PRLR: variants seen among roughly 807,000 people sequenced by gnomAD.
PRLR encodes prolactin receptor, also known as hPRL receptor.
PRLR carries 13 observed loss-of-function variants against 40.2 expected under a neutral mutation model. That is an observed-to-expected ratio of 0.32 (90% CI 0.21 to 0.51). The LOEUF (loss-of-function observed/expected upper bound fraction) is 0.51, where lower values mean the gene tolerates loss of function less well. Among genes scored for constraint, PRLR ranks in the 20% least tolerant of loss-of-function variants. The pLI is 0.97. For synonymous variants in PRLR, 269 were observed against 278.7 expected, an observed-to-expected ratio of 0.97 and a Z score of 0.35; for missense variants, 656 against 747.3, an observed-to-expected ratio of 0.88 and a Z score of 1.42.
chr5:35,131,326 A>C (rs1773663596), intron 1 of PRLR, among the ~76,000 whole-genome samples: 1 of 152,120 alleles, frequency 6.6e-6, no homozygotes, highest in South Asian at 2.1e-4. Context: ...AGGGGATGGC[A>C]CTAGGTTCAA....
At chr5:35,080,586 T>C (rs1485220121) in intron 5 of PRLR, among the ~76,000 whole-genome samples, 2 of 152,196 alleles carry the variant, frequency 1.3e-5, no homozygotes, top group Admixed American at 6.5e-5. Flanking sequence ...ACTTTTACAC[T>C]GTTGGTGGGA....
intron 2 of PRLR, among the ~76,000 whole-genome samples, chr5:35,109,647 C>CA (rs1448475651): frequency 2.0e-5 from 3 of 152,110 alleles, no homozygotes; most frequent in Non-Finnish European, 4.4e-5. Flanking sequence ...CAGAGAAATG[C>CA]AAATCAAAAC....
At chr5:35,166,909 C>A (rs905556542) in intron 1 of PRLR, among the ~76,000 whole-genome samples, 1 of 152,068 alleles carries the variant, frequency 6.6e-6, no homozygotes, top group African/African-American at 2.4e-5. Flanking sequence ...TAAATTGGTT[C>A]CAAATACACA....
intron 6 of PRLR, among the ~76,000 whole-genome samples, chr5:35,071,339 G>T (rs1340187392): frequency 3.3e-5 from 5 of 152,154 alleles, no homozygotes; most frequent in Admixed American, 1.3e-4. Flanking sequence ...TACAATGTGT[G>T]GTCTACGAGC....
chr5:35,175,932 G>A (rs567712436), intron 1 of PRLR, among the ~76,000 whole-genome samples: 3 of 152,078 alleles, frequency 2.0e-5, no homozygotes, highest in East Asian at 3.9e-4. Context: ...ACTAAACAGG[G>A]ACAGCTATTG....
chr5:35,141,363 A>G (rs1214485760), intron 1 of PRLR, among the ~76,000 whole-genome samples: 1 of 152,194 alleles, frequency 6.6e-6, no homozygotes, highest in Non-Finnish European at 1.5e-5. Flanking sequence ...ATGCCGCATG[A>G]ATCTATGGGG....
At chr5:35,051,562 T>A (rs979535390), downstream of PRLR, among the ~76,000 whole-genome samples, 10 of 152,354 alleles carry the variant, frequency 6.6e-5, 1 homozygote, top group Admixed American at 2.6e-4. Context: ...GGGGAAGAGC[T>A]ATTCCCAAGC....
At chr5:35,083,642 C>T (rs1374036308) in intron 5 of PRLR, among the ~76,000 whole-genome samples, 1 of 151,520 alleles carries the variant, frequency 6.6e-6, no homozygotes, top group Non-Finnish European at 1.5e-5. Context: ...GCCTCAGCCT[C>T]CTGAGTAGCT....
At chr5:35,079,875 A>C (rs200223058) in intron 5 of PRLR, among the ~76,000 whole-genome samples, 1 of 152,324 alleles carries the variant, frequency 6.6e-6, no homozygotes, top group South Asian at 2.1e-4. Context: ...GCCCTCAGAA[A>C]TAATACCACA....
chr5:35,049,491 A>T, intron 8 of PRLR: 2 of 647,450 alleles, frequency 3.1e-6, no homozygotes, highest in Non-Finnish European at 5.5e-6. Context: ...TTTAAAAAGA[A>T]AATAAATTAT....
In PRLR at chr5:35,056,777, A is replaced by T. The variant is rs1768747633; in HGVS notation, c.*8312T>A. The T allele has an allele frequency of 6.6e-6, 1 of 152,174 alleles. No individual in the cohort carries two copies. The highest frequency in any genetic ancestry group is 6.5e-5 in the Admixed American group (1 of 15,272). 9.4% of individuals were successfully genotyped at this position (152,174 alleles called of 1,614,324 possible). On this transcript the variant is annotated 3_prime_UTR_variant, in exon 10 of 10. Coordinates refer to ENST00000618457, the MANE Select transcript of PRLR (RefSeq NM_000949.7). ...ATTAAAGGCAGTTGGCTTCAATATA[A>T]GCACAGGAGAGCCAGCGTTTCTGTG...
In PRLR at chr5:35,058,311, C is replaced by G. The variant is rs1768835170; in HGVS notation, c.*6778G>C. The G allele has an allele frequency of 6.6e-6, 1 of 152,136 alleles. No individual in the cohort carries two copies. The highest frequency in any genetic ancestry group is 2.4e-5 in the African/African-American group (1 of 41,420). The allele number at this position is 152,136 out of a possible 1,614,324, so 9.4% of individuals were successfully genotyped here. A position where few individuals can be genotyped will look rare whatever the true frequency, so the allele number is the denominator to read the frequency against. Reference sequence around the variant, plus strand: ...ATAACTTCACTTCAATATGGCTTTACAGAAGACACAGTCACCCAACAGGCT... The same window carrying G: ...ATAACTTCACTTCAATATGGCTTTAGAGAAGACACAGTCACCCAACAGGCT... On this transcript the variant is annotated 3_prime_UTR_variant, in exon 10 of 10. Coordinates refer to ENST00000618457, the MANE Select transcript of PRLR (RefSeq NM_000949.7).
In PRLR at chr5:35,072,687, T is replaced by C; in HGVS notation, c.431A>G (p.Lys144Arg). ...AVEVKQPEDR[K>R]PYLWIKWSPP... ...AGACCATTTAATCCACAGGTAGGGT[T>C]TTCTGTCTTCTGGCTGTTTTACTTC... Residue 144 changes from lysine to arginine, a missense_variant, in exon 6 of 10, where the codon AAA (lysine) becomes AGA (arginine). Coordinates refer to ENST00000618457, the MANE Select transcript of PRLR (RefSeq NM_000949.7). 1 of 1,614,202 alleles carries C rather than the reference T, an allele frequency of 6.2e-7. No individual in the cohort carries two copies. The highest frequency in any genetic ancestry group is 1.3e-5 in the African/African-American group (1 of 75,052).
chr5:35,112,214 C>T (rs1229726363), intron 2 of PRLR, among the ~76,000 whole-genome samples: 2 of 152,298 alleles, frequency 1.3e-5, no homozygotes, highest in Non-Finnish European at 2.9e-5. Flanking sequence ...TCTCTGAATT[C>T]CATCACTGTG....
At chr5:35,102,486 G>C (rs1230792364) in intron 2 of PRLR, among the ~76,000 whole-genome samples, 10 of 89,482 alleles carry the variant, frequency 1.1e-4, no homozygotes, top group African/African-American at 2.1e-4. Context: ...GTCCCGTCCC[G>C]TCTCCTCTCC....
intron 1 of PRLR, among the ~76,000 whole-genome samples, chr5:35,211,280 G>C (rs905304231): frequency 6.6e-6 from 1 of 151,982 alleles, no homozygotes; most frequent in Admixed American, 6.5e-5. Context: ...TTTATTCCTT[G>C]CTATAGTCAA....
At chr5:35,198,832 A>T (rs1775803749) in intron 1 of PRLR, among the ~76,000 whole-genome samples, 1 of 152,280 alleles carries the variant, frequency 6.6e-6, no homozygotes, top group African/African-American at 2.4e-5. Flanking sequence ...ACAGTGTTTC[A>T]GCCACATGTC....
chr5:35,182,159 C>T (rs1775311823), intron 1 of PRLR, among the ~76,000 whole-genome samples: 1 of 152,040 alleles, frequency 6.6e-6, no homozygotes, highest in South Asian at 2.1e-4. Context: ...TAAATTTAAC[C>T]ACCATCTATA....
At chr5:35,145,086 A>T (rs1579728306) in intron 1 of PRLR, among the ~76,000 whole-genome samples, 1 of 152,156 alleles carries the variant, frequency 6.6e-6, no homozygotes, top group East Asian at 1.9e-4. Context: ...ATCATCCCGG[A>T]GTGAATATTA....
Sources: gnomAD v4.1 joint callset for allele counts (sites outside exome capture counted in the v4.1 genomes callset) on GRCh38, gnomAD v4.1.1 for gene constraint, MANE v1.5 for transcripts, NCBI Gene and HGNC (gene_info 2026-07-23, HGNC 2026-07-21) for gene names.